Variants in SPOCK3 observed in about 807,000 individuals in gnomAD.
SPOCK3 encodes the protein SPARC (osteonectin), cwcv and kazal like domains proteoglycan 3, also known as testican-3.
SPOCK3 carries 30 observed loss-of-function variants against 56.6 expected under a neutral mutation model. That is an observed-to-expected ratio of 0.53 (90% CI 0.40 to 0.72). The LOEUF is 0.72. SPOCK3 is among the 30% of genes least tolerant of loss of function. The pLI, the probability that SPOCK3 is intolerant of heterozygous loss-of-function variation, is 0.00. For synonymous variants in SPOCK3, 196 were observed against 183.3 expected (o/e 1.07, Z -0.56); for missense variants, 527 against 530.0 (o/e 0.99, Z 0.06).
intron 2 of SPOCK3, among the ~76,000 whole-genome samples, chr4:167,160,380 T>C (rs770290522): frequency 6.6e-6 from 1 of 151,602 alleles, no homozygotes; most frequent in African/African-American, 2.4e-5. Flanking sequence ...CACTGCTCAA[T>C]GAAATAAAAG....
chr4:167,103,506 A>G (rs1191114700), intron 2 of SPOCK3, among the ~76,000 whole-genome samples: 1 of 152,130 alleles, frequency 6.6e-6, no homozygotes, highest in Non-Finnish European at 1.5e-5. Context: ...TCCTCTGTCC[A>G]TGGAAGGGAC....
intron 4 of SPOCK3, among the ~76,000 whole-genome samples, chr4:166,984,486 A>G (rs777624159): frequency 2.0e-5 from 3 of 152,116 alleles, no homozygotes; most frequent in Non-Finnish European, 4.4e-5. Context: ...TTTGTAATAA[A>G]TTTATAAGAA....
chr4:166,922,856 T>G (rs1435360757), intron 4 of SPOCK3, among the ~76,000 whole-genome samples: 1 of 152,180 alleles, frequency 6.6e-6, no homozygotes, highest in Non-Finnish European at 1.5e-5. Context: ...CATTCTGACC[T>G]CTGTGCAATT....
At chr4:166,847,663 A>ATATATATATAGATATATATATATATATC in intron 6 of SPOCK3, among the ~76,000 whole-genome samples, 1 of 98,342 alleles carries the variant, frequency 1.0e-5, no homozygotes, top group East Asian at 4.2e-4. Context: ...ATATATATAT[A>ATATATATATAGATATATATATATATATC]TATATATATA....
chr4:167,024,430 G>A (rs541360683), intron 3 of SPOCK3, among the ~76,000 whole-genome samples: 9 of 152,008 alleles, frequency 5.9e-5, no homozygotes, highest in Admixed American at 5.3e-4. Context: ...TTTCTTACAC[G>A]TTAACTGGTT....
chr4:167,109,795 A>C (rs28413567), intron 2 of SPOCK3, among the ~76,000 whole-genome samples: 3,476 of 151,594 alleles, frequency 0.023, 139 homozygotes, highest in African/African-American at 0.079. Context: ...TACTATATGA[A>C]GGAGCAATGA....
intron 7 of SPOCK3, among the ~76,000 whole-genome samples, chr4:166,789,416 C>T (rs987821351): frequency 3.3e-5 from 5 of 151,864 alleles, no homozygotes; most frequent in East Asian, 1.9e-4. Flanking sequence ...GCAACAAGAG[C>T]GAAACGCTGT....
intron 6 of SPOCK3, among the ~76,000 whole-genome samples, chr4:166,872,211 A>G (rs1258343088): frequency 6.6e-6 from 1 of 152,112 alleles, no homozygotes; most frequent in Non-Finnish European, 1.5e-5. Flanking sequence ...TAATAAGACA[A>G]GAATGAGTAA....
chr4:167,118,387 A>C (rs371428280), intron 2 of SPOCK3, among the ~76,000 whole-genome samples: 3 of 152,262 alleles, frequency 2.0e-5, no homozygotes, highest in Middle Eastern at 3.4e-3. Context: ...ATTTCAAAGA[A>C]TGCCTACCTC....
At chr4:167,112,061 C>T (rs1195695033) in intron 2 of SPOCK3, among the ~76,000 whole-genome samples, 1 of 152,004 alleles carries the variant, frequency 6.6e-6, no homozygotes, top group South Asian at 2.1e-4. Flanking sequence ...CCCCCAGCCT[C>T]GAAGTAACTT....
intron 2 of SPOCK3, among the ~76,000 whole-genome samples, chr4:167,204,112 G>A (rs923353569): frequency 8.5e-5 from 13 of 152,094 alleles, no homozygotes; most frequent in African/African-American, 3.1e-4. Context: ...GAGTGAAATT[G>A]TTGTATACAA....
intron 2 of SPOCK3, among the ~76,000 whole-genome samples, chr4:167,214,226 A>G (rs7658246): frequency 1.3e-5 from 2 of 151,984 alleles, no homozygotes; most frequent in African/African-American, 4.8e-5. Context: ...ATGGTTTCAG[A>G]ATTGTATTTG....
In SPOCK3 at chr4:166,954,012, T is replaced by C. The variant is rs574899932; in HGVS notation, c.351-41269A>G. Among the ~76,000 whole-genome samples, 8 of 152,092 alleles carry C rather than the reference T, an allele frequency of 5.3e-5. No homozygotes were observed. The South Asian group carries it at 1.5e-3, about 28-fold the overall frequency. ...TGACGAGTTAGTGGGTGCAGTGCACTAGCATGGCACATGTATACATATGTA... is the reference window on the plus strand; with the variant it reads ...TGACGAGTTAGTGGGTGCAGTGCACCAGCATGGCACATGTATACATATGTA... On this transcript the variant is annotated intron_variant, in intron 4 of 10. Coordinates refer to ENST00000357545, the MANE Select transcript of SPOCK3 (RefSeq NM_001040159.2).
chr4:166,833,363 G>A (rs992011002), intron 6 of SPOCK3, among the ~76,000 whole-genome samples: 2 of 152,076 alleles, frequency 1.3e-5, no homozygotes, highest in Non-Finnish European at 2.9e-5. Context: ...TGTCAAGCTG[G>A]TTGATAGTAT....
At chr4:167,109,363 TATATATATATTTATATAAAATATATA>T (rs1561225105) in intron 2 of SPOCK3, among the ~76,000 whole-genome samples, 1 of 37,120 alleles carries the variant, frequency 2.7e-5, no homozygotes, top group East Asian at 1.7e-3. Flanking sequence ...AATATATATT[TATATATATATTTATATAAAATATATA>T]AATATATATT....
chr4:167,156,258 TATAGAG>T (rs1203107286), intron 2 of SPOCK3, among the ~76,000 whole-genome samples: 1 of 152,172 alleles, frequency 6.6e-6, no homozygotes, highest in African/African-American at 2.4e-5. Flanking sequence ...CCAGTGCAGA[TATAGAG>T]ATATAGTTAA....
chr4:167,035,402 G>A (rs975309080), intron 3 of SPOCK3, among the ~76,000 whole-genome samples: 1 of 151,750 alleles, frequency 6.6e-6, no homozygotes, highest in African/African-American at 2.4e-5. Flanking sequence ...ATAATGTAAT[G>A]TAAGATGTGA....
intron 6 of SPOCK3, among the ~76,000 whole-genome samples, chr4:166,876,961 G>A (rs1733156163): frequency 6.6e-6 from 1 of 151,984 alleles, no homozygotes; most frequent in African/African-American, 2.4e-5. Flanking sequence ...TTGGGGTAGA[G>A]AAATAAGATA....
At chr4:167,057,436 A>G (rs1487333747) in intron 3 of SPOCK3, among the ~76,000 whole-genome samples, 2 of 152,070 alleles carry the variant, frequency 1.3e-5, no homozygotes, top group Admixed American at 6.6e-5. Flanking sequence ...ACACATAACA[A>G]TATTAACTTT....
Sources: allele counts gnomAD v4.1 joint callset (sites outside exome capture counted in the v4.1 genomes callset), GRCh38; gene constraint gnomAD v4.1.1; transcripts MANE v1.5; gene names NCBI Gene and HGNC (gene_info 2026-07-23, HGNC 2026-07-21).